The following WDR43 variants were observed in gnomAD, a reference collection of about 807,000 sequenced individuals.
The protein encoded by WDR43 is WD repeat-containing protein 43.
WDR43 carries 13 observed loss-of-function variants against 91.4 expected under a neutral mutation model. That is an observed-to-expected ratio of 0.14 (90% CI 0.09 to 0.23). The LOEUF (loss-of-function observed/expected upper bound fraction) is 0.23, where lower values mean the gene tolerates loss of function less well. Among genes scored for constraint, WDR43 ranks in the 10% least tolerant of loss-of-function variants. WDR43 has a pLI of 1.00. For missense variants in WDR43, 780 were observed against 809.4 expected (o/e 0.96, Z 0.44); for synonymous variants, 331 against 287.9 (o/e 1.15, Z -1.51).
At position 28,927,773 on chromosome 2, in the gene WDR43, G is replaced by C. The variant is rs1572596927; in HGVS notation, c.1305+73G>C. 8.2e-6 allele frequency: 13 copies of C among 1,578,338 alleles called. No individual in the cohort carries two copies. The East Asian group carries it at 2.9e-4, about 36-fold the overall frequency. ...ACTGGGAAATTCTAACAAGTGTGTTGGATAGAGCCAAAGTTAAATCTTTAG... is the reference window on the plus strand; with the variant it reads ...ACTGGGAAATTCTAACAAGTGTGTTCGATAGAGCCAAAGTTAAATCTTTAG... On this transcript the variant is annotated intron_variant, in intron 10 of 17. Coordinates refer to ENST00000407426, the MANE Select transcript of WDR43 (RefSeq NM_015131.3).
intron 14 of WDR43, among the ~76,000 whole-genome samples, chr2:28,939,493 G>A (rs1379812573): frequency 6.6e-6 from 1 of 152,200 alleles, no homozygotes; most frequent in East Asian, 1.9e-4. Flanking sequence ...GCCCGTAGCA[G>A]TTATCAAGGA....
At chr2:28,914,585 C>T (rs532466922) in intron 5 of WDR43, among the ~76,000 whole-genome samples, 1 of 152,198 alleles carries the variant, frequency 6.6e-6, no homozygotes, top group Non-Finnish European at 1.5e-5. Context: ...TTTCCAGTAA[C>T]TCCTTTTTGC....
chr2:28,942,464 GTCAACATAAGATCTTCCTTTGGCAAGCCT>G, intron 16 of WDR43, 83 bp downstream of exon 16: 1 of 1,412,214 alleles, frequency 7.1e-7, no homozygotes, highest in Non-Finnish European at 9.8e-7. Flanking sequence ...TTTTGAAAAC[GTCAACATAAGATCTTCCTTTGGCAAGCCT>G]TCTCTAATTA....
chr2:28,907,379 T>C lies in WDR43; in HGVS notation c.485+798T>C, dbSNP rs1265982657. Among the ~76,000 whole-genome samples, 4 of 151,294 alleles carry C rather than the reference T, an allele frequency of 2.6e-5. No homozygotes were observed. In the East Asian group the frequency reaches 7.8e-4, roughly 29 times the overall value. ...GGCTCATGCCTGTAATCCCAGCACTTTGGGAGGCCAAGGTGGGAGGATTGC... is the reference window on the plus strand; with the variant it reads ...GGCTCATGCCTGTAATCCCAGCACTCTGGGAGGCCAAGGTGGGAGGATTGC... On this transcript the variant is annotated intron_variant, in intron 3 of 17. Transcript: ENST00000407426.
chr2:28,926,243 G>C (rs2148191655), intron 8 of WDR43, among the ~76,000 whole-genome samples: 1 of 152,198 alleles, frequency 6.6e-6, no homozygotes, highest in Middle Eastern at 3.4e-3. Flanking sequence ...GTAAACCTTG[G>C]TACCCAATGT....
intron 14 of WDR43, among the ~76,000 whole-genome samples, chr2:28,940,476 C>T (rs1031414596): frequency 2.0e-5 from 3 of 151,954 alleles, no homozygotes; most frequent in South Asian, 2.1e-4. Context: ...GTGATCTGCC[C>T]GCCTCAGCCT....
intron 14 of WDR43, 111 bp downstream of exon 14, chr2:28,938,105 A>T: frequency 8.7e-7 from 1 of 1,144,334 alleles, no homozygotes; most frequent in Admixed American, 2.3e-5. Flanking sequence ...TCTATCCTTC[A>T]GCCGTTAGAT....
chr2:28,897,590 T>C (rs946888233), intron 1 of WDR43, among the ~76,000 whole-genome samples: 2 of 152,350 alleles, frequency 1.3e-5, no homozygotes, highest in African/African-American at 4.8e-5. Flanking sequence ...TCTGGACTCG[T>C]TTTACCATTT....
intron 1 of WDR43, chr2:28,895,924 C>G (rs1218452656): frequency 6.6e-6 from 1 of 152,204 alleles, no homozygotes; most frequent in African/African-American, 2.4e-5. Flanking sequence ...CTTACTCTCT[C>G]TGACGACCTG....
chr2:28,896,985 C>A (rs2148175565), intron 1 of WDR43, among the ~76,000 whole-genome samples: 1 of 152,170 alleles, frequency 6.6e-6, no homozygotes. Context: ...GATTGAAAAT[C>A]AGAGCTAAGA....
At chr2:28,896,093 C>G (rs745890296) in intron 1 of WDR43, among the ~76,000 whole-genome samples, 2 of 151,372 alleles carry the variant, frequency 1.3e-5, no homozygotes, top group Admixed American at 6.6e-5. Flanking sequence ...AAACATAAAA[C>G]TAAAAAAAAA....
At chr2:28,940,692 A>G (rs1175326881) in intron 14 of WDR43, among the ~76,000 whole-genome samples, 2 of 152,256 alleles carry the variant, frequency 1.3e-5, no homozygotes. Context: ...GATCTAGGAT[A>G]GAAAAATTAT....
At position 28,946,985 on chromosome 2, in the gene WDR43, A is replaced by G. The variant is rs1671554854; in HGVS notation, c.*206A>G. 4 of 539,390 alleles carry G rather than the reference A, an allele frequency of 7.4e-6. No individual in the cohort carries two copies. Among genetic ancestry groups the G allele is most frequent in the African/African-American group, 1.9e-5 (1 of 52,920 alleles). The allele number at this position is 539,390 out of a possible 1,614,324, so 33.4% of individuals were successfully genotyped here. A position where few individuals can be genotyped will look rare whatever the true frequency, so the allele number is the denominator to read the frequency against. ...ATTCAAATGTTAATAAACTTTACAC[A>G]GTATATAGACACATTTTCTGCAATG... On this transcript the variant is annotated 3_prime_UTR_variant, in exon 18 of 18. Transcript: ENST00000407426.
intron 16 of WDR43, among the ~76,000 whole-genome samples, chr2:28,943,234 C>G (rs1671482120): frequency 6.6e-6 from 1 of 151,660 alleles, no homozygotes; most frequent in Admixed American, 6.6e-5. Flanking sequence ...AACTCTTACA[C>G]TCAAGCGATC....
At chr2:28,917,305 T>G (rs1334771741) in intron 5 of WDR43, among the ~76,000 whole-genome samples, 1 of 152,174 alleles carries the variant, frequency 6.6e-6, no homozygotes, top group Non-Finnish European at 1.5e-5. Flanking sequence ...ACTTTGCAAA[T>G]AAGGAATCCA....
chr2:28,899,406 A>G (rs1670539952), intron 1 of WDR43, among the ~76,000 whole-genome samples: 3 of 152,196 alleles, frequency 2.0e-5, no homozygotes, highest in South Asian at 4.1e-4. Context: ...ATTTTTAACC[A>G]ATGAAAATTG....
chr2:28,909,999 T>C (rs1670758898), intron 3 of WDR43, among the ~76,000 whole-genome samples: 1 of 145,950 alleles, frequency 6.9e-6, no homozygotes, highest in African/African-American at 2.5e-5. Context: ...CTGGAACCAG[T>C]TACATTTCCC....
intron 6 of WDR43, among the ~76,000 whole-genome samples, chr2:28,920,732 A>G (rs1283633735): frequency 6.6e-6 from 1 of 152,130 alleles, no homozygotes; most frequent in Non-Finnish European, 1.5e-5. Flanking sequence ...GCTGGAGTGC[A>G]GTGGTGTGAT....
chr2:28,946,643 A>T lies in WDR43; in HGVS notation c.1898A>T (p.Asp633Val), dbSNP rs760347967. The stretch of plus-strand genomic sequence containing the variant: ...GAGGAGGAGAGTGAAAGTGAAAAAG[A>T]TGAGGACGTTGAAGAGGAAGATGAG... ...EDEEESESEK[D>V]EDVEEEDEDA... is the part of the protein sequence containing the mutation. Residue 633 changes from aspartate (D) to valine (V), a missense_variant, in exon 18 of 18, where the codon GAT (aspartate) becomes GTT (valine). Around this residue, in one of 4 missense-constraint regions of WDR43, gnomAD observed 426 missense variants for 467.8 expected, o/e 0.91. Coordinates refer to ENST00000407426, the MANE Select transcript of WDR43 (RefSeq NM_015131.3). 1.3e-6 allele frequency: 2 copies of T among 1,557,400 alleles called. No individual in the cohort carries two copies. The highest frequency in any genetic ancestry group is 2.4e-5 in the South Asian group (2 of 84,444).
Sources: gnomAD v4.1 joint callset for allele counts (sites outside exome capture counted in the v4.1 genomes callset) on GRCh38, gnomAD v4.1.1 for gene constraint, gnomAD v4.1.1 regional missense constraint, MANE v1.5 for transcripts, NCBI Gene and HGNC (gene_info 2026-07-23, HGNC 2026-07-21) for gene names.